The following SERPIND1 variants were observed in gnomAD, a reference collection of about 807,000 sequenced individuals.
The protein encoded by SERPIND1 is heparin cofactor 2.
SERPIND1 carries 34 observed loss-of-function variants against 35.0 expected under a neutral mutation model. The ratio of observed to expected loss-of-function variants is 0.97; its 90% CI spans 0.74 to 1.29. The LOEUF is 1.29. SERPIND1 is among the 50% of genes most tolerant of loss of function. The pLI is 0.00. For missense variants in SERPIND1, 633 were observed against 637.7 expected, an observed-to-expected ratio of 0.99 and a Z score of 0.08; for synonymous variants, 236 against 241.1, an observed-to-expected ratio of 0.98 and a Z score of 0.19.
intron 2 of SERPIND1, among the ~76,000 whole-genome samples, chr22:20,780,474 A>T (rs1933683620): frequency 6.6e-6 from 1 of 152,158 alleles, no homozygotes; most frequent in African/African-American, 2.4e-5. Context: ...CAACACATGA[A>T]GTAAAAGGAT....
chr22:20,786,695 G>A (rs777851357), intron 4 of SERPIND1, among the ~76,000 whole-genome samples, 180 bp from the exon 5 acceptor site: 6 of 152,180 alleles, frequency 3.9e-5, no homozygotes, highest in Non-Finnish European at 7.3e-5. Flanking sequence ...CGGCCTCTAA[G>A]TGCAACGGCT....
At position 20,779,719 on chromosome 22, in the gene SERPIND1, A is replaced by G. The variant is rs61730767; in HGVS notation, c.407A>G (p.Asn136Ser). ...ATCCTCAACGCCAAGTTCGCTTTCA[A>G]CCTCTACCGAGTGCTGAAAGACCAG... Reference protein sequence around the residue: ...LNILNAKFAFNLYRVLKDQVN... With the variant: ...LNILNAKFAFSLYRVLKDQVN... The change falls in exon 2 of 5, where the codon AAC (asparagine) becomes AGC (serine). Residue 136 changes from asparagine (N) to serine (S), a missense_variant. Coordinates refer to ENST00000215727, the MANE Select transcript of SERPIND1 (RefSeq NM_000185.4). The G allele has an allele frequency of 1.9e-6, 3 of 1,614,160 alleles. No homozygotes were observed. Among genetic ancestry groups the G allele is most frequent in the Non-Finnish European group, 2.5e-6 (3 of 1,180,038 alleles).
At chr22:20,776,495 T>G (rs1388092455) in intron 1 of SERPIND1, among the ~76,000 whole-genome samples, 1 of 152,144 alleles carries the variant, frequency 6.6e-6, no homozygotes, top group Non-Finnish European at 1.5e-5. Flanking sequence ...TCAAAAGTCT[T>G]TCTTAGTTGT....
Position 20,783,477 on chromosome 22 carries a change from G to A in SERPIND1, c.890-495G>A, listed in dbSNP as rs79822115. Among the ~76,000 whole-genome samples the A allele has an allele frequency of 8.3e-4, 126 of 151,640 alleles. 3 individuals carry two copies. In the East Asian group the frequency reaches 0.021, roughly 25 times the overall value. On this transcript the variant is annotated intron_variant, in intron 2 of 4. Coordinates refer to ENST00000215727, the MANE Select transcript of SERPIND1 (RefSeq NM_000185.4). ...AGACAGAAAGAAAAAATAGCCAGGC[G>A]TGGCATGTGCTTGTAGTCCAAGCTA...
At chr22:20,786,724 C>CA (rs1471075365) in intron 4 of SERPIND1, 151 bp from the exon 5 acceptor site, 1 of 814,450 alleles carries the variant, frequency 1.2e-6, no homozygotes, top group Non-Finnish European at 2.0e-6. Context: ...CAGGTGGTGA[C>CA]AGATATTTTC....
chr22:20,783,848 C>T lies in SERPIND1; in HGVS notation c.890-124C>T. ...AAATCAGGCCTCAGGAATCAAGAGA[C>T]TGTGGGGTCGGCTCTGCAGGCTATC... is the stretch of plus-strand genomic sequence containing the variant. On this transcript the variant is annotated intron_variant, in intron 2 of 4. Coordinates refer to ENST00000215727, the MANE Select transcript of SERPIND1 (RefSeq NM_000185.4). 9 of 1,288,154 alleles carry T rather than the reference C, an allele frequency of 7.0e-6. No homozygotes were observed. The South Asian group carries it at 9.8e-5, about 14-fold the overall frequency. The allele number at this position is 1,288,154 out of a possible 1,614,324, so 79.8% of individuals were successfully genotyped here. A position where few individuals can be genotyped will look rare whatever the true frequency, so the allele number is the denominator to read the frequency against.
In SERPIND1 at chr22:20,779,517, T is replaced by C. The variant is rs760165898; in HGVS notation, c.205T>C (p.Trp69Arg). 6.2e-7 allele frequency: 1 copy of C among 1,613,974 alleles called. No individual in the cohort carries two copies. Among genetic ancestry groups the C allele is most frequent in the South Asian group, 1.1e-5 (1 of 91,084 alleles). ...CAAGGAAAACACCGTCACCAACGAC[T>C]GGATTCCAGAGGGGGAGGAGGACGA... ...FHKENTVTND[W>R]IPEGEEDDDY... The change falls in exon 2 of 5, where the codon TGG becomes CGG. Residue 69 changes from tryptophan to arginine, a missense_variant. Trp to Arg is a moderately radical substitution (Grantham distance 101). Transcript: ENST00000215727.
rs538327544 is a variant in SERPIND1 at position 20,780,775 on chromosome 22, C to CAAAAAAAAAAAAAAAAAAAAAAAAAAAA, written c.889+590_889+591insAAAAAAAAAAAAAAAAAAAAAAAAAAAA. ...TGGACGACAGAGTGAGACTCCATCT[C>CAAAAAAAAAAAAAAAAAAAAAAAAAAAA]AAAAAAAAAAAAAAAAGAAGTAAAA... On this transcript the variant is annotated intron_variant, in intron 2 of 4. Coordinates refer to ENST00000215727, the MANE Select transcript of SERPIND1 (RefSeq NM_000185.4). 7.1e-4 allele frequency among the ~76,000 whole-genome samples: 48 copies of CAAAAAAAAAAAAAAAAAAAAAAAAAAAA among 67,646 alleles called. 1 individual carries two copies. Among genetic ancestry groups the CAAAAAAAAAAAAAAAAAAAAAAAAAAAA allele is most frequent in the East Asian group, 1.4e-3 (3 of 2,178 alleles). The allele number at this position is 67,646 out of a possible 152,430, so 44.4% of individuals were successfully genotyped here.
chr22:20,775,993 G>A (rs1381855581), intron 1 of SERPIND1, among the ~76,000 whole-genome samples: 1 of 152,194 alleles, frequency 6.6e-6, no homozygotes, highest in East Asian at 1.9e-4. Flanking sequence ...TTCAGAAACT[G>A]GGCCCAGTTC....
At chr22:20,785,823 C>T (rs1010508890) in intron 3 of SERPIND1, among the ~76,000 whole-genome samples, 181 bp from the exon 4 acceptor site, 4 of 152,130 alleles carry the variant, frequency 2.6e-5, no homozygotes, top group South Asian at 2.1e-4. Context: ...TTTTCAGTAG[C>T]GGAATTACAA....
chr22:20,787,272 A>C lies in SERPIND1; in HGVS notation c.*206A>C. 4.5e-5 allele frequency: 27 copies of C among 603,690 alleles called. No individual in the cohort carries two copies. The highest frequency in any genetic ancestry group is 1.1e-4 in the East Asian group (4 of 34,932). 37.4% of individuals were successfully genotyped at this position (603,690 alleles called of 1,614,324 possible). A position where few individuals can be genotyped will look rare whatever the true frequency, so the allele number is the denominator to read the frequency against. On this transcript the variant is annotated 3_prime_UTR_variant, in exon 5 of 5. Transcript: ENST00000215727. ...GCACAATAGCCCATGCTGTAAGCTCATAGAAGTCACTGTAACTGTAGTGTG... is the reference window on the plus strand; with the variant it reads ...GCACAATAGCCCATGCTGTAAGCTCCTAGAAGTCACTGTAACTGTAGTGTG...
In SERPIND1 at chr22:20,779,792, T is replaced by G. The variant is rs1288895085; in HGVS notation, c.480T>G (p.Thr160=). 1 of 1,614,118 alleles carries G rather than the reference T, an allele frequency of 6.2e-7. No individual in the cohort carries two copies. The highest frequency in any genetic ancestry group is 1.7e-5 in the Admixed American group (1 of 60,002). The change falls in exon 2 of 5, where the codon ACT becomes ACG. Residue 160 remains threonine (T), a synonymous_variant. Transcript: ENST00000215727. ...NIFIAPVGIS[T]AMGMISLGLK... is the part of the protein sequence containing the mutation. ...TCATAGCACCCGTTGGCATTTCTAC[T>G]GCGATGGGTATGATTTCCTTAGGTC...
intron 3 of SERPIND1, 64 bp from the exon 4 acceptor site, chr22:20,785,940 A>G: frequency 6.4e-7 from 1 of 1,559,748 alleles, no homozygotes; most frequent in Non-Finnish European, 8.8e-7. Flanking sequence ...TTAAAGGGAA[A>G]ATCATGATTC....
chr22:20,780,291 C>CTA (rs1224445639), intron 2 of SERPIND1, 90 bp downstream of exon 2: 3 of 1,580,420 alleles, frequency 1.9e-6, no homozygotes, highest in Non-Finnish European at 2.6e-6. Context: ...TGTACTGTAG[C>CTA]TATAATTTAT....
intron 1 of SERPIND1, 71 bp from the exon 2 acceptor site, chr22:20,779,226 G>A (rs1025229026): frequency 1.2e-6 from 2 of 1,605,930 alleles, no homozygotes; most frequent in Admixed American, 1.7e-5. Flanking sequence ...CAGGGAACCT[G>A]CCATGTGGAT....
intron 3 of SERPIND1, 61 bp from the exon 4 acceptor site, chr22:20,785,943 C>T (rs1218104741): frequency 6.2e-7 from 1 of 1,610,556 alleles, no homozygotes; most frequent in Non-Finnish European, 8.5e-7. Flanking sequence ...AAGGGAAAAT[C>T]ATGATTCTTT....
At position 20,780,063 on chromosome 22, in the gene SERPIND1, G is replaced by A; in HGVS notation, c.751G>A (p.Ala251Thr). 1 of 1,614,120 alleles carries A rather than the reference G, an allele frequency of 6.2e-7. No homozygotes were observed. The highest frequency in any genetic ancestry group is 8.5e-7 in the Non-Finnish European group (1 of 1,180,020). The change falls in exon 2 of 5, where the codon GCT (alanine) becomes ACT (threonine). Residue 251 changes from alanine to threonine, a missense_variant. Ala to Thr is a moderately conservative substitution (Grantham distance 58). Transcript: ENST00000215727. Reference sequence around the variant, plus strand: ...GTATTACTTTGCTGAGGCCCAGATAGCTGACTTCTCAGACCCTGCCTTCAT... The same window carrying A: ...GTATTACTTTGCTGAGGCCCAGATAACTGACTTCTCAGACCCTGCCTTCAT... Reference protein sequence around the residue: ...REYYFAEAQIADFSDPAFISK... With the variant: ...REYYFAEAQITDFSDPAFISK...
chr22:20,783,086 G>C (rs1373286426), intron 2 of SERPIND1, among the ~76,000 whole-genome samples: 1 of 152,234 alleles, frequency 6.6e-6, no homozygotes, highest in African/African-American at 2.4e-5. Context: ...ATACAGGAAA[G>C]GTGCTGAGAA....
chr22:20,778,267 G>GTTA (rs1173574123), intron 1 of SERPIND1, among the ~76,000 whole-genome samples: 5 of 152,114 alleles, frequency 3.3e-5, no homozygotes, highest in African/African-American at 1.2e-4. Flanking sequence ...TTGGGGGGCT[G>GTTA]AGGTGGGTGG....
Sources: allele counts gnomAD v4.1 joint callset (sites outside exome capture counted in the v4.1 genomes callset), GRCh38; gene constraint gnomAD v4.1.1; transcripts MANE v1.5; gene names NCBI Gene and HGNC (gene_info 2026-07-23, HGNC 2026-07-21).